The following AKAP9 variants were observed in gnomAD, a reference collection of about 807,000 sequenced individuals.
AKAP9 encodes A-kinase anchor protein 9.
AKAP9 carries 311 observed loss-of-function variants against 488.5 expected under a neutral mutation model. The observed-to-expected ratio is 0.64, with a 90% CI of 0.58 to 0.70. The LOEUF (loss-of-function observed/expected upper bound fraction) is 0.70, where lower values mean the gene tolerates loss of function less well. AKAP9 is among the 30% of genes least tolerant of loss of function. The pLI is 0.00. For missense variants in AKAP9, 4,215 were observed against 4,374.5 expected, an observed-to-expected ratio of 0.96 and a Z score of 1.03; for synonymous variants, 1,462 against 1,483.5, an observed-to-expected ratio of 0.99 and a Z score of 0.33.
At chr7:92,033,442 C>CTTTTTTTTTTT (rs35497475) in intron 16 of AKAP9, among the ~76,000 whole-genome samples, 54 of 107,346 alleles carry the variant, frequency 5.0e-4, no homozygotes, top group Non-Finnish European at 7.8e-4. Flanking sequence ...CTTTTCTTTT[C>CTTTTTTTTTTT]TTTTTTTTTT....
At chr7:91,941,252 C>G (rs1790714624) in intron 1 of AKAP9, 105 bp downstream of exon 1, 5 of 1,138,236 alleles carry the variant, frequency 4.4e-6, no homozygotes, top group South Asian at 2.5e-5. Flanking sequence ...GTGCACTGCC[C>G]GAGAGGGAGG....
At chr7:92,060,040 G>T (rs1809488272) in intron 22 of AKAP9, among the ~76,000 whole-genome samples, 1 of 151,810 alleles carries the variant, frequency 6.6e-6, no homozygotes, top group Non-Finnish European at 1.5e-5. Flanking sequence ...ATTAAAACAA[G>T]AATAATTGCA....
At chr7:92,069,939 G>C in intron 26 of AKAP9, 91 bp from the exon 27 acceptor site, 2 of 1,150,006 alleles carry the variant, frequency 1.7e-6, no homozygotes, top group Non-Finnish European at 2.5e-6. Flanking sequence ...ATTTTGGATT[G>C]TAGATATCCA....
At chr7:92,006,269 G>A (rs1331539029) in intron 8 of AKAP9, among the ~76,000 whole-genome samples, 2 of 151,780 alleles carry the variant, frequency 1.3e-5, no homozygotes, top group Non-Finnish European at 2.9e-5. Flanking sequence ...TCTCACCTCA[G>A]CCTCCTGAGT....
intron 18 of AKAP9, chr7:92,041,247 T>C (rs1285295969): frequency 4.3e-6 from 1 of 230,496 alleles, no homozygotes; most frequent in African/African-American, 2.3e-5. Context: ...CTTTGACATT[T>C]TGGAAATAAC....
rs1026353355 is a variant in AKAP9 at position 91,947,793 on chromosome 7, A to C, written c.48+6646A>C. ...AGGTGCTAGATATAAAGAAGCTATAATTTTTTTTAATTGAGGTGAAATTCA... is the reference window on the plus strand; with the variant it reads ...AGGTGCTAGATATAAAGAAGCTATACTTTTTTTTAATTGAGGTGAAATTCA... On this transcript the variant is annotated intron_variant, in intron 1 of 49. Coordinates refer to ENST00000356239, the MANE Select transcript of AKAP9 (RefSeq NM_005751.5). Among the ~76,000 whole-genome samples, 32 of 152,040 alleles carry C rather than the reference A, an allele frequency of 2.1e-4. 1 individual carries two copies. Among genetic ancestry groups the C allele is most frequent in the Admixed American group, 2.1e-3 (32 of 15,262 alleles).
chr7:92,062,509 TG>T, intron 24 of AKAP9, 23 bp downstream of exon 24: 4 of 1,597,394 alleles, frequency 2.5e-6, no homozygotes, highest in East Asian at 2.2e-5. Flanking sequence ...AGAATTTGTA[TG>T]AAACAGTCCT....
chr7:91,978,689 A>G lies in AKAP9; in HGVS notation c.307-1600A>G, dbSNP rs192940624. Among the ~76,000 whole-genome samples the G allele has an allele frequency of 4.4e-3, 662 of 152,144 alleles. 3 individuals are homozygous for G. The highest frequency in any genetic ancestry group is 6.2e-3 in the Non-Finnish European group (421 of 67,986). ...TTTTTCTTTAGTTATTACTTTTTTT[A>G]GCATCATGATGATATGATTTTTCTT... On this transcript the variant is annotated intron_variant, in intron 2 of 49. Coordinates refer to ENST00000356239, the MANE Select transcript of AKAP9 (RefSeq NM_005751.5).
At chr7:91,941,758 C>T (rs1409709225) in intron 1 of AKAP9, among the ~76,000 whole-genome samples, 1 of 152,114 alleles carries the variant, frequency 6.6e-6, no homozygotes, top group Non-Finnish European at 1.5e-5. Context: ...CTTTTGTGTC[C>T]TATGGAATGT....
chr7:92,074,781 A>T (rs954224265), intron 28 of AKAP9, among the ~76,000 whole-genome samples: 1 of 152,162 alleles, frequency 6.6e-6, no homozygotes, highest in Non-Finnish European at 1.5e-5. Flanking sequence ...CAAACACCAC[A>T]TGTTCTCACT....
chr7:92,021,852 TAAAC>T (rs927227886), intron 12 of AKAP9, among the ~76,000 whole-genome samples: 1 of 152,230 alleles, frequency 6.6e-6, no homozygotes, highest in African/African-American at 2.4e-5. Flanking sequence ...TATCTAGAGA[TAAAC>T]AAGCTGTATT....
At chr7:91,998,337 A>G (rs1301486562) in intron 7 of AKAP9, among the ~76,000 whole-genome samples, 1 of 148,160 alleles carries the variant, frequency 6.7e-6, no homozygotes, top group East Asian at 2.0e-4. Context: ...AATCCTCCAA[A>G]CTTCCCATTG....
In AKAP9 at chr7:92,002,984, G is replaced by A; in HGVS notation, c.3067G>A (p.Val1023Ile). The A allele has an allele frequency of 1.9e-6, 3 of 1,613,524 alleles. No homozygotes were observed. The highest frequency in any genetic ancestry group is 2.5e-6 in the Non-Finnish European group (3 of 1,179,626). Residue 1023 changes from valine (V) to isoleucine (I), a missense_variant, in exon 8 of 50, where the codon GTT (valine) becomes ATT (isoleucine). Val to Ile is a conservative substitution (Grantham distance 29). Coordinates refer to ENST00000356239, the MANE Select transcript of AKAP9 (RefSeq NM_005751.5). ...DTQVSSLLDG[V>I]VTMTSRGAEG... ...TCAAGTAAGCTCTTTATTAGATGGAGTTGTGACCATGACAAGCAGGGGTGC... is the reference window on the plus strand; with the variant it reads ...TCAAGTAAGCTCTTTATTAGATGGAATTGTGACCATGACAAGCAGGGGTGC...
At chr7:92,085,139 T>C (rs1814297371) in intron 35 of AKAP9, among the ~76,000 whole-genome samples, 199 bp downstream of exon 35, 1 of 152,214 alleles carries the variant, frequency 6.6e-6, no homozygotes, top group South Asian at 2.1e-4. Context: ...ATGAAGACTT[T>C]TTTTCTTAAT....
At chr7:91,965,346 G>A (rs1427608934) in intron 1 of AKAP9, among the ~76,000 whole-genome samples, 1 of 152,078 alleles carries the variant, frequency 6.6e-6, no homozygotes, top group Non-Finnish European at 1.5e-5. Flanking sequence ...TTGTGTCCAT[G>A]GTGCTGCGAA....
chr7:92,023,054 G>T (rs745587107), intron 14 of AKAP9, 45 bp downstream of exon 14: 5 of 1,571,980 alleles, frequency 3.2e-6, no homozygotes, highest in South Asian at 2.2e-5. Context: ...TTGTAGCTTT[G>T]TAACAATTAT....
At chr7:91,942,854 T>G (rs1279923183) in intron 1 of AKAP9, among the ~76,000 whole-genome samples, 1 of 152,134 alleles carries the variant, frequency 6.6e-6, no homozygotes, top group Non-Finnish European at 1.5e-5. Context: ...CTTTTAGAAT[T>G]TAGCCCTTTT....
Position 91,994,631 on chromosome 7 carries a change from T to C in AKAP9, c.587T>C (p.Phe196Ser), listed in dbSNP as rs548992583. Residue 196 changes from phenylalanine to serine, a missense_variant, in exon 6 of 50, where the codon TTT (phenylalanine) becomes TCT (serine). Around this residue, in one of 5 missense-constraint regions of AKAP9, gnomAD observed 2,361 missense variants for 2,430.0 expected, o/e 0.97. Coordinates refer to ENST00000356239, the MANE Select transcript of AKAP9 (RefSeq NM_005751.5). ...ACTATTTTCTTTCAGTTACAAGAATTTGAAGCTGCCATTAAACAAAGAGAT... is the reference window on the plus strand; with the variant it reads ...ACTATTTTCTTTCAGTTACAAGAATCTGAAGCTGCCATTAAACAAAGAGAT... ...GTEGLQQLQE[F>S]EAAIKQRDGI... 3 of 1,612,380 alleles carry C rather than the reference T, an allele frequency of 1.9e-6. No individual in the cohort carries two copies. The African/African-American group carries it at 4.0e-5, about 21-fold the overall frequency.
intron 1 of AKAP9, among the ~76,000 whole-genome samples, chr7:91,956,625 C>T (rs1355062367): frequency 6.6e-6 from 1 of 152,116 alleles, no homozygotes. Context: ...TTCTTCATTA[C>T]TTTCTGTGTA....
Sources: gnomAD v4.1 joint callset for allele counts (sites outside exome capture counted in the v4.1 genomes callset) on GRCh38, gnomAD v4.1.1 for gene constraint, gnomAD v4.1.1 regional missense constraint, MANE v1.5 for transcripts, NCBI Gene and HGNC (gene_info 2026-07-23, HGNC 2026-07-21) for gene names.